TRIQK: variants seen among roughly 807,000 people sequenced by gnomAD.
The protein encoded by TRIQK is triple QxxK/R motif containing, also known as triple QxxK/R motif-containing protein.
A neutral mutation model predicts 10.8 loss-of-function variants in TRIQK; 10 were observed. That is an observed-to-expected ratio of 0.92 (90% CI 0.57 to 1.57). The LOEUF is 1.57. Among genes scored for constraint, TRIQK ranks in the 40% most tolerant of loss-of-function variants. The probability of loss-of-function intolerance (pLI) is 0.00; values close to 1 mark genes in which losing one functional copy is unlikely to be tolerated. For synonymous variants in TRIQK, 33 were observed against 33.7 expected, an observed-to-expected ratio of 0.98 and a Z score of 0.07; for missense variants, 107 against 97.7, an observed-to-expected ratio of 1.09 and a Z score of -0.40.
At chr8:92,989,659 A>G (rs1417150870) in intron 1 of TRIQK, among the ~76,000 whole-genome samples, 1 of 152,204 alleles carries the variant, frequency 6.6e-6, no homozygotes, top group Non-Finnish European at 1.5e-5. Flanking sequence ...TGAGTAACAT[A>G]ATTATTTCAT....
At chr8:92,913,187 C>T (rs1227125946) in intron 3 of TRIQK, among the ~76,000 whole-genome samples, 3 of 151,966 alleles carry the variant, frequency 2.0e-5, no homozygotes, top group Non-Finnish European at 4.4e-5. Flanking sequence ...AGTACATTAA[C>T]AAAATGAAGA....
rs142752648 is a variant in TRIQK, at chr8:92,924,869, A to G, written c.-21-7859T>C. On this transcript the variant is annotated intron_variant, in intron 2 of 4. Coordinates refer to ENST00000521988, the MANE Select transcript of TRIQK (RefSeq NM_001171797.2). ...TCGTACTGTATAAAACTGGAGAGCT[A>G]AACAGTTGTTATTCTAAAGTTTTCA... Among the ~76,000 whole-genome samples the G allele has an allele frequency of 4.7e-3, 711 of 152,144 alleles. 3 individuals carry two copies. Among genetic ancestry groups the G allele is most frequent in the Middle Eastern group, 6.8e-3 (2 of 294 alleles).
At chr8:92,927,080 C>G (rs1412280075) in intron 2 of TRIQK, among the ~76,000 whole-genome samples, 4 of 151,810 alleles carry the variant, frequency 2.6e-5, no homozygotes, top group Non-Finnish European at 4.4e-5. Context: ...AAAATGAAAA[C>G]AGGATTTATG....
chr8:92,983,709 T>A (rs1813006894), intron 1 of TRIQK, among the ~76,000 whole-genome samples: 1 of 152,004 alleles, frequency 6.6e-6, no homozygotes, highest in Admixed American at 6.6e-5. Context: ...GTGTTTAAGG[T>A]GGAAAGAAAT....
chr8:93,015,353 T>C (rs1358458735), intron 1 of TRIQK, among the ~76,000 whole-genome samples: 1 of 151,990 alleles, frequency 6.6e-6, no homozygotes, highest in Non-Finnish European at 1.5e-5. Context: ...GTGGTTATTC[T>C]GCAAGCATGT....
At chr8:92,946,792 G>A (rs1350301707) in intron 2 of TRIQK, among the ~76,000 whole-genome samples, 21 of 142,216 alleles carry the variant, frequency 1.5e-4, no homozygotes, top group Non-Finnish European at 3.0e-5. Flanking sequence ...ATGGAGTCTC[G>A]CTCTGTCGCC....
chr8:92,924,003 A>G (rs1810316327), intron 2 of TRIQK, among the ~76,000 whole-genome samples: 1 of 152,108 alleles, frequency 6.6e-6, no homozygotes, highest in Non-Finnish European at 1.5e-5. Context: ...ATCAAAACAC[A>G]GGTTATTAAA....
intron 1 of TRIQK, among the ~76,000 whole-genome samples, chr8:92,996,980 C>G (rs759489920): frequency 6.6e-6 from 1 of 151,976 alleles, no homozygotes; most frequent in African/African-American, 2.4e-5. Context: ...GACCCATGGA[C>G]ATTCGTGTCC....
At chr8:92,901,605 C>T (rs748190623) in intron 3 of TRIQK, among the ~76,000 whole-genome samples, 1 of 152,102 alleles carries the variant, frequency 6.6e-6, no homozygotes, top group Non-Finnish European at 1.5e-5. Context: ...CCCACTTGCT[C>T]ATGATGAATA....
chr8:92,966,316 A>T (rs535194513), upstream of TRIQK, among the ~76,000 whole-genome samples: 1 of 152,360 alleles, frequency 6.6e-6, no homozygotes, highest in East Asian at 1.9e-4. Flanking sequence ...TGACTGTAGA[A>T]ATTAAAAATA....
At chr8:93,003,198 A>T (rs1167784416) in intron 1 of TRIQK, among the ~76,000 whole-genome samples, 2 of 152,026 alleles carry the variant, frequency 1.3e-5, no homozygotes, top group African/African-American at 4.8e-5. Flanking sequence ...TCTTTTATTA[A>T]CTTACACTTC....
At chr8:92,948,500 T>C (rs1811669894) in intron 2 of TRIQK, among the ~76,000 whole-genome samples, 1 of 152,240 alleles carries the variant, frequency 6.6e-6, no homozygotes, top group Admixed American at 6.5e-5. Context: ...AATGAATTCA[T>C]TGCAACAATA....
chr8:92,889,740 C>A (rs1212859520), intron 4 of TRIQK, among the ~76,000 whole-genome samples: 1 of 151,586 alleles, frequency 6.6e-6, no homozygotes, highest in Non-Finnish European at 1.5e-5. Flanking sequence ...CTCCTGACAA[C>A]ATTATGAGGT....
intron 3 of TRIQK, among the ~76,000 whole-genome samples, chr8:92,896,030 A>C (rs922910239): frequency 6.6e-6 from 1 of 152,140 alleles, no homozygotes; most frequent in South Asian, 2.1e-4. Flanking sequence ...CATCAGGACA[A>C]TGAGAGAAAG....
At chr8:92,963,232 G>A (rs1812548321) in intron 1 of TRIQK, among the ~76,000 whole-genome samples, 1 of 152,082 alleles carries the variant, frequency 6.6e-6, no homozygotes, top group African/African-American at 2.4e-5. Context: ...TTTTACAAAA[G>A]CAATAGCTCT....
intron 1 of TRIQK, among the ~76,000 whole-genome samples, chr8:92,983,161 GAGACAGC>G: frequency 6.6e-6 from 1 of 152,010 alleles, no homozygotes; most frequent in East Asian, 1.9e-4. Flanking sequence ...CTGGACTAAG[GAGACAGC>G]AGGGTTGCTA....
intron 1 of TRIQK, among the ~76,000 whole-genome samples, chr8:92,985,812 C>T (rs1175061322): frequency 1.3e-5 from 2 of 152,080 alleles, no homozygotes; most frequent in African/African-American, 4.8e-5. Flanking sequence ...ATAGATGGAT[C>T]CTATCCTTTC....
At chr8:92,920,942 G>A (rs1329388876) in intron 2 of TRIQK, among the ~76,000 whole-genome samples, 1 of 151,584 alleles carries the variant, frequency 6.6e-6, no homozygotes, top group African/African-American at 2.4e-5. Flanking sequence ...TAACCATCCA[G>A]AGGGGAGAGC....
chr8:92,900,296 T>C (rs1808857696), intron 3 of TRIQK, among the ~76,000 whole-genome samples: 1 of 152,168 alleles, frequency 6.6e-6, no homozygotes, highest in South Asian at 2.1e-4. Flanking sequence ...TCTGAGCTTG[T>C]GAACTATGAT....
Sources: allele counts gnomAD v4.1 joint callset (sites outside exome capture counted in the v4.1 genomes callset), GRCh38; gene constraint gnomAD v4.1.1; transcripts MANE v1.5; gene names NCBI Gene and HGNC (gene_info 2026-07-23, HGNC 2026-07-21).